Variants in KCNJ15 observed in about 807,000 individuals in gnomAD.
KCNJ15 encodes the protein ATP-sensitive inward rectifier potassium channel 15.
In KCNJ15, 14 loss-of-function variants were observed where a neutral mutation model predicts 23.0. The ratio of observed to expected loss-of-function variants is 0.61; its 90% confidence interval spans 0.40 to 0.95. The LOEUF (loss-of-function observed/expected upper bound fraction) is 0.95, where lower values mean the gene tolerates loss of function less well. Ranked by LOEUF, KCNJ15 falls within the 40% of genes least tolerant of loss-of-function variation. The pLI, the probability that KCNJ15 is intolerant of heterozygous loss-of-function variation, is 0.00. For synonymous variants in KCNJ15, 185 were observed against 183.2 expected (o/e 1.01, Z -0.08); for missense variants, 388 against 461.8 (o/e 0.84, Z 1.46).
intron 1 of KCNJ15, among the ~76,000 whole-genome samples, chr21:38,249,395 G>C (rs1979676586): frequency 6.6e-6 from 1 of 152,118 alleles, no homozygotes; most frequent in South Asian, 2.1e-4. Context: ...ACAGATTTCA[G>C]AAGGGAAGTA....
intron 1 of KCNJ15, among the ~76,000 whole-genome samples, chr21:38,239,881 A>C (rs778166255): frequency 4.6e-5 from 7 of 152,234 alleles, no homozygotes; most frequent in Admixed American, 1.3e-4. Flanking sequence ...CATTTGATGC[A>C]GATGTTTGGC....
chr21:38,261,822 A>G (rs1246782320), intron 1 of KCNJ15, among the ~76,000 whole-genome samples: 1 of 152,234 alleles, frequency 6.6e-6, no homozygotes, highest in Non-Finnish European at 1.5e-5. Flanking sequence ...TATTGAATGC[A>G]TGAATAATAA....
rs144392404 is a variant in KCNJ15, at chr21:38,278,783, A to G, written c.-116-18143A>G. On this transcript the variant is annotated intron_variant, in intron 1 of 2. Transcript: ENST00000398938. Reference sequence around the variant, plus strand: ...TCTGGGCAACTGCAAGTCATTCTGCATGACCTGACCAGGTAACAACCTAAG... The same window carrying G: ...TCTGGGCAACTGCAAGTCATTCTGCGTGACCTGACCAGGTAACAACCTAAG... Among the ~76,000 whole-genome samples the G allele has an allele frequency of 7.9e-4, 120 of 152,314 alleles. 3 individuals carry two copies. The East Asian group carries it at 0.02, about 26-fold the overall frequency.
At chr21:38,247,206 GTAGA>G (rs994576333) in intron 1 of KCNJ15, among the ~76,000 whole-genome samples, 4 of 143,010 alleles carry the variant, frequency 2.8e-5, no homozygotes, top group African/African-American at 1.0e-4. Flanking sequence ...GGATGCATAG[GTAGA>G]TGGATGGATG....
chr21:38,274,433 G>C (rs534817750), intron 1 of KCNJ15, among the ~76,000 whole-genome samples: 1 of 151,996 alleles, frequency 6.6e-6, no homozygotes, highest in Admixed American at 6.6e-5. Flanking sequence ...GAAAATGCAC[G>C]TGGAGCTCTT....
intron 1 of KCNJ15, chr21:38,238,204 C>G (rs1435708405): frequency 4.1e-6 from 2 of 484,034 alleles, no homozygotes; most frequent in Non-Finnish European, 7.9e-6. Flanking sequence ...ACCTTCTGCC[C>G]CAGCCCAAGA....
At chr21:38,290,743 C>T (rs1229703006) in intron 1 of KCNJ15, among the ~76,000 whole-genome samples, 3 of 152,070 alleles carry the variant, frequency 2.0e-5, no homozygotes, top group Non-Finnish European at 2.9e-5. Flanking sequence ...CTATTCTATA[C>T]CACCCTGTTT....
chr21:38,244,195 TG>T (rs1225642657), intron 1 of KCNJ15, among the ~76,000 whole-genome samples: 1 of 152,194 alleles, frequency 6.6e-6, no homozygotes, highest in Non-Finnish European at 1.5e-5. Context: ...CTGCTTTTTG[TG>T]GTTAAACTGG....
At chr21:38,291,171 C>A (rs577676332) in intron 1 of KCNJ15, among the ~76,000 whole-genome samples, 7 of 152,280 alleles carry the variant, frequency 4.6e-5, no homozygotes, top group Admixed American at 4.6e-4. Flanking sequence ...CAAATCCTTC[C>A]AAAAGTATTT....
intron 1 of KCNJ15, among the ~76,000 whole-genome samples, chr21:38,247,546 ATGGATGGATGGATGG>A (rs1185651569): frequency 1.3e-5 from 2 of 151,838 alleles, no homozygotes; most frequent in African/African-American, 4.8e-5. Context: ...GGATGGATGG[ATGGATGGATGGATGG>A]ATGGATGGAA....
upstream of KCNJ15, among the ~76,000 whole-genome samples, chr21:38,253,850 G>C (rs554919289): frequency 6.6e-6 from 1 of 152,294 alleles, no homozygotes; most frequent in East Asian, 1.9e-4. Flanking sequence ...ACAACTAAGA[G>C]TCTTTCCGTT....
Position 38,288,026 on chromosome 21 carries a change from C to CTTTTTTTTTTTTTTTTTTTTTTTTT in KCNJ15, c.-116-8897_-116-8896insTTTTTTTTTTTTTTTTTTTTTTTTT, listed in dbSNP as rs1171718120. 1.2e-3 allele frequency among the ~76,000 whole-genome samples: 96 copies of CTTTTTTTTTTTTTTTTTTTTTTTTT among 78,148 alleles called. 40 individuals are homozygous for CTTTTTTTTTTTTTTTTTTTTTTTTT. The highest frequency in any genetic ancestry group is 0.023 in the Middle Eastern group (2 of 88). 51.3% of individuals were successfully genotyped at this position (78,148 alleles called of 152,430 possible). A position where few individuals can be genotyped will look rare whatever the true frequency, so the allele number is the denominator to read the frequency against. ...CCATTGTTAAATAACTTGTTTTTTT[C>CTTTTTTTTTTTTTTTTTTTTTTTTT]TTTGTTTTTTTTTTTTTTTTTTTTT... On this transcript the variant is annotated intron_variant, in intron 1 of 2. Coordinates refer to ENST00000398938, the MANE Select transcript of KCNJ15 (RefSeq NM_170736.3).
In KCNJ15 at chr21:38,299,042, C is replaced by A. The variant is rs1295031418; in HGVS notation, c.-18-202C>A. ...GATGAATTGCAGAGTCAGCATTTAACCCCGGTCTGCTTTTCTGCAAAGCCT... is the reference window on the plus strand; with the variant it reads ...GATGAATTGCAGAGTCAGCATTTAAACCCGGTCTGCTTTTCTGCAAAGCCT... On this transcript the variant is annotated intron_variant, in intron 2 of 2. Coordinates refer to ENST00000398938, the MANE Select transcript of KCNJ15 (RefSeq NM_170736.3). This position sits in a 1 kb window ranked among gnomAD's most constrained non-coding sequence, Gnocchi z 4.5. Among the ~76,000 whole-genome samples the A allele has an allele frequency of 6.6e-6, 1 of 152,142 alleles. No individual in the cohort carries two copies. The highest frequency in any genetic ancestry group is 1.9e-4 in the East Asian group (1 of 5,188).
chr21:38,257,628 G>A (rs1980402380), intron 1 of KCNJ15, among the ~76,000 whole-genome samples: 3 of 152,340 alleles, frequency 2.0e-5, no homozygotes, highest in South Asian at 4.1e-4. Context: ...AAACCTCGCC[G>A]GAATATTTTA....
chr21:38,289,480 C>A (rs1460327006), intron 1 of KCNJ15, among the ~76,000 whole-genome samples: 3 of 152,124 alleles, frequency 2.0e-5, no homozygotes, highest in East Asian at 3.9e-4. Flanking sequence ...CACCTGTAAT[C>A]CCAGCACTTT....
intron 1 of KCNJ15, among the ~76,000 whole-genome samples, chr21:38,245,136 A>T (rs1324770108): frequency 6.6e-6 from 1 of 151,948 alleles, no homozygotes; most frequent in Admixed American, 6.6e-5. Flanking sequence ...TCAGAGAGAG[A>T]GGCTCAGGGG....
At position 38,300,400 on chromosome 21, in the gene KCNJ15, G is replaced by A. The variant is rs571209058; in HGVS notation, c.*11G>A. ...CAGAGCAATGTCTGATCACAGGGGC[G>A]CCATCCAGGTTTAACCCTGCAAGCT... On this transcript the variant is annotated 3_prime_UTR_variant, in exon 3 of 3. Transcript: ENST00000398938. 5.1e-4 allele frequency: 802 copies of A among 1,586,194 alleles called. 10 individuals are homozygous for A. The South Asian group carries it at 8.7e-3, about 17-fold the overall frequency.
intron 1 of KCNJ15, among the ~76,000 whole-genome samples, chr21:38,271,720 G>A (rs984494469): frequency 6.6e-6 from 1 of 152,156 alleles, no homozygotes; most frequent in Non-Finnish European, 1.5e-5. Context: ...CCCAAGCCTG[G>A]GCTGCCAGAC....
intron 1 of KCNJ15, among the ~76,000 whole-genome samples, chr21:38,263,246 T>G (rs2836256): frequency 0.013 from 1,926 of 152,182 alleles, 25 homozygotes; most frequent in South Asian, 0.049. Flanking sequence ...GACCCTATAC[T>G]TCCTGTCTCT....
Sources: allele counts gnomAD v4.1 joint callset (sites outside exome capture counted in the v4.1 genomes callset), GRCh38; gene constraint gnomAD v4.1.1; non-coding constraint Gnocchi (gnomAD v3.1); transcripts MANE v1.5; gene names NCBI Gene and HGNC (gene_info 2026-07-23, HGNC 2026-07-21).